Variants in NEK7 observed in about 807,000 individuals in gnomAD.
NEK7 encodes serine/threonine-protein kinase Nek7.
NEK7 carries 18 observed loss-of-function variants against 44.6 expected under a neutral mutation model. The ratio of observed to expected loss-of-function variants is 0.40; its 90% CI spans 0.28 to 0.60. The LOEUF is 0.60. Among genes scored for constraint, NEK7 ranks in the 20% least tolerant of loss-of-function variants. NEK7 has a pLI of 0.38. For missense variants in NEK7, 256 were observed against 366.5 expected (o/e 0.70, Z 2.46); for synonymous variants, 130 against 121.1 (o/e 1.07, Z -0.48).
intron 1 of NEK7, among the ~76,000 whole-genome samples, chr1:198,187,867 G>A (rs1177055764): frequency 6.6e-6 from 1 of 152,198 alleles, no homozygotes; most frequent in Non-Finnish European, 1.5e-5. Flanking sequence ...ACAAGGTTAT[G>A]TAATGGAGGC....
At chr1:198,257,836 G>GT (rs559736173) in intron 3 of NEK7, among the ~76,000 whole-genome samples, 8 of 152,216 alleles carry the variant, frequency 5.3e-5, no homozygotes, top group African/African-American at 1.9e-4. Context: ...TTTATGGATT[G>GT]TTTAACATTT....
chr1:198,198,098 G>T, intron 1 of NEK7: 3 of 1,372,688 alleles, frequency 2.2e-6, no homozygotes, highest in Non-Finnish European at 3.0e-6. Flanking sequence ...ATTGATAGGT[G>T]GTGGGTGGGC....
intron 1 of NEK7, among the ~76,000 whole-genome samples, chr1:198,162,477 G>A (rs1321233775): frequency 6.6e-6 from 1 of 152,210 alleles, no homozygotes; most frequent in Non-Finnish European, 1.5e-5. Context: ...ATTTTATTCA[G>A]ACTGTAGTTG....
chr1:198,184,316 G>A (rs1323014328), intron 1 of NEK7, among the ~76,000 whole-genome samples: 3 of 152,110 alleles, frequency 2.0e-5, no homozygotes, highest in Middle Eastern at 3.4e-3. Flanking sequence ...GACTCAGTGC[G>A]ATTTTTCTTG....
intron 2 of NEK7, chr1:198,245,202 A>C (rs1205600818): frequency 5.9e-6 from 1 of 169,194 alleles, no homozygotes; most frequent in Non-Finnish European, 1.5e-5. Context: ...GAGGAGAAGG[A>C]GAAAGAGAAG....
chr1:198,248,291 G>A (rs566458776), intron 2 of NEK7, among the ~76,000 whole-genome samples: 36 of 152,352 alleles, frequency 2.4e-4, no homozygotes, highest in African/African-American at 8.2e-4. Flanking sequence ...GCAATAGACA[G>A]TGTCTGACTG....
At chr1:198,263,657 A>C (rs1653553916) in intron 4 of NEK7, among the ~76,000 whole-genome samples, 1 of 151,956 alleles carries the variant, frequency 6.6e-6, no homozygotes, top group Non-Finnish European at 1.5e-5. Context: ...AGTTAGATAT[A>C]GTATAGTAGG....
In NEK7 at chr1:198,264,120, C is replaced by T. The variant is rs1284304280; in HGVS notation, c.262-5C>T. 6.3e-7 allele frequency: 1 copy of T among 1,576,622 alleles called. No individual in the cohort carries two copies. The highest frequency in any genetic ancestry group is 1.9e-5 in the Admixed American group (1 of 52,270). On this transcript the variant is annotated splice_polypyrimidine_tract_variant and splice_region_variant and intron_variant, in intron 4 of 9. Coordinates refer to ENST00000367385, the MANE Select transcript of NEK7 (RefSeq NM_133494.3). ...AACTTTCTGATGCCTGTTTTATTTT[C>T]TCAGCAACTCAACCATCCAAATGTA...
At chr1:198,198,091 G>A (rs539163321) in intron 1 of NEK7, 2 of 1,401,872 alleles carry the variant, frequency 1.4e-6, no homozygotes, top group Non-Finnish European at 1.9e-6. Flanking sequence ...AGGGTGGATT[G>A]ATAGGTGGTG....
intron 1 of NEK7, among the ~76,000 whole-genome samples, chr1:198,167,051 C>A (rs1664288963): frequency 6.6e-6 from 1 of 152,180 alleles, no homozygotes; most frequent in South Asian, 2.1e-4. Context: ...AGTCAGAAGT[C>A]AGGGTGTTGA....
Position 198,218,399 on chromosome 1 carries a change from C to A in NEK7, c.-28-14154C>A, listed in dbSNP as rs188945180. Among the ~76,000 whole-genome samples, 414 of 151,990 alleles carry A rather than the reference C, an allele frequency of 2.7e-3. 2 individuals are homozygous for A. Among genetic ancestry groups the A allele is most frequent in the African/African-American group, 7.0e-3 (292 of 41,526 alleles). Reference sequence around the variant, plus strand: ...AGAATGAAACTGGATCCCTTTCTCTCACTATATTACAAAAGTTAACTCAAA... The same window carrying A: ...AGAATGAAACTGGATCCCTTTCTCTAACTATATTACAAAAGTTAACTCAAA... On this transcript the variant is annotated intron_variant, in intron 1 of 9. Transcript: ENST00000367385.
chr1:198,171,335 A>G (rs1403865629), intron 1 of NEK7, among the ~76,000 whole-genome samples: 1 of 152,112 alleles, frequency 6.6e-6, no homozygotes, highest in African/African-American at 2.4e-5. Flanking sequence ...TCCTTGCTTA[A>G]AGTCCTTCAG....
At chr1:198,249,372 G>A (rs549638665) in intron 2 of NEK7, among the ~76,000 whole-genome samples, 2 of 152,150 alleles carry the variant, frequency 1.3e-5, no homozygotes, top group Admixed American at 6.5e-5. Context: ...TGTCTTTATA[G>A]CAGCATGATT....
At chr1:198,296,821 C>A (rs186435643) in intron 8 of NEK7, among the ~76,000 whole-genome samples, 2 of 152,018 alleles carry the variant, frequency 1.3e-5, no homozygotes, top group Non-Finnish European at 2.9e-5. Flanking sequence ...ATTATAGGTA[C>A]AAAGAGTTTT....
intron 1 of NEK7, among the ~76,000 whole-genome samples, chr1:198,195,703 T>C (rs901350086): frequency 3.8e-4 from 58 of 152,208 alleles, no homozygotes; most frequent in African/African-American, 1.4e-3. Flanking sequence ...TGCACATCTG[T>C]AATCCCAGCT....
chr1:198,192,224 T>G (rs1665100816), intron 1 of NEK7, among the ~76,000 whole-genome samples: 1 of 151,912 alleles, frequency 6.6e-6, no homozygotes, highest in Non-Finnish European at 1.5e-5. Context: ...CATTTCTTAT[T>G]TGGCTGGATT....
At chr1:198,276,137 C>T (rs61831671) in intron 5 of NEK7, among the ~76,000 whole-genome samples, 287 of 151,654 alleles carry the variant, frequency 1.9e-3, no homozygotes, top group Middle Eastern at 3.4e-3. Flanking sequence ...ATCAGATTAT[C>T]TTGGTCCGGT....
chr1:198,259,202 T>G (rs1414293703), intron 3 of NEK7, among the ~76,000 whole-genome samples: 2 of 152,190 alleles, frequency 1.3e-5, no homozygotes, highest in African/African-American at 2.4e-5. Flanking sequence ...AGATTTTCTA[T>G]GTAGCATGTT....
At chr1:198,302,718 A>G (rs955646699) in intron 9 of NEK7, among the ~76,000 whole-genome samples, 3 of 152,110 alleles carry the variant, frequency 2.0e-5, no homozygotes, top group Non-Finnish European at 4.4e-5. Flanking sequence ...ATTTTTTTCA[A>G]CTTTTGAAAT....
Sources: allele counts gnomAD v4.1 joint callset (sites outside exome capture counted in the v4.1 genomes callset), GRCh38; gene constraint gnomAD v4.1.1; transcripts MANE v1.5; gene names NCBI Gene and HGNC (gene_info 2026-07-23, HGNC 2026-07-21).